TSHZ3: variants seen among roughly 807,000 people sequenced by gnomAD.
The protein encoded by TSHZ3 is teashirt homolog 3.
TSHZ3 carries 10 observed loss-of-function variants against 64.5 expected under a neutral mutation model. The ratio of observed to expected loss-of-function variants is 0.16; its 90% CI spans 0.10 to 0.26. The LOEUF (loss-of-function observed/expected upper bound fraction) is 0.26. Among genes scored for constraint, TSHZ3 ranks in the 10% least tolerant of loss-of-function variants. The probability of loss-of-function intolerance (pLI) is 1.00; values close to 1 mark genes in which losing one functional copy is unlikely to be tolerated. For synonymous variants in TSHZ3, 608 were observed against 593.1 expected, an observed-to-expected ratio of 1.03 and a Z score of -0.36; for missense variants, 1,242 against 1,421.7, an observed-to-expected ratio of 0.87 and a Z score of 2.03.
intron 6 of TSHZ3, among the ~76,000 whole-genome samples, chr19:31,154,652 A>G (rs898755562): frequency 2.0e-5 from 3 of 152,182 alleles, no homozygotes; most frequent in Admixed American, 6.5e-5. Context: ...ATTGAATCTC[A>G]GGTCAGCTCC....
chr19:31,319,035 C>T (rs1045643014), intron 1 of TSHZ3, among the ~76,000 whole-genome samples: 6 of 152,208 alleles, frequency 3.9e-5, no homozygotes, highest in African/African-American at 1.4e-4. Flanking sequence ...TCCTCTGAGC[C>T]GGAGACCAGG....
At chr19:31,297,129 G>A (rs578224880) in intron 1 of TSHZ3, among the ~76,000 whole-genome samples, 117 of 152,292 alleles carry the variant, frequency 7.7e-4, no homozygotes, top group African/African-American at 2.8e-3. Flanking sequence ...GGGAATCAGC[G>A]GGTTTCAGGT....
intron 3 of TSHZ3, among the ~76,000 whole-genome samples, chr19:31,241,808 C>T (rs1975693904): frequency 6.6e-6 from 1 of 152,214 alleles, no homozygotes; most frequent in South Asian, 2.1e-4. Flanking sequence ...TCTGAAATCA[C>T]TGCTTTGTGT....
chr19:31,306,103 G>A (rs1422242257), intron 1 of TSHZ3, among the ~76,000 whole-genome samples: 1 of 152,184 alleles, frequency 6.6e-6, no homozygotes, highest in Non-Finnish European at 1.5e-5. Context: ...TGCCAGGCGG[G>A]GAGTGACGCA....
chr19:31,336,566 A>C (rs1051225947), intron 1 of TSHZ3, among the ~76,000 whole-genome samples: 7 of 152,316 alleles, frequency 4.6e-5, no homozygotes, highest in Middle Eastern at 3.4e-3. Context: ...TGTTTTAAAA[A>C]ATCCGGTTAT....
intron 3 of TSHZ3, among the ~76,000 whole-genome samples, chr19:31,234,726 A>G (rs1380947033): frequency 6.6e-6 from 1 of 152,194 alleles, no homozygotes; most frequent in Non-Finnish European, 1.5e-5. Flanking sequence ...CAATACTGAG[A>G]TGCAGTCTTC....
At chr19:31,232,985 C>A (rs1289750577) in intron 3 of TSHZ3, among the ~76,000 whole-genome samples, 1 of 152,130 alleles carries the variant, frequency 6.6e-6, no homozygotes, top group Non-Finnish European at 1.5e-5. Context: ...CATTTGAGTT[C>A]TTTCCAGACT....
chr19:31,173,778 T>A (rs1974569121), intron 5 of TSHZ3, among the ~76,000 whole-genome samples: 1 of 152,232 alleles, frequency 6.6e-6, no homozygotes. Flanking sequence ...GATACATAGA[T>A]GTAAACAGAT....
At chr19:31,309,396 A>C (rs1916392216) in intron 1 of TSHZ3, among the ~76,000 whole-genome samples, 1 of 152,198 alleles carries the variant, frequency 6.6e-6, no homozygotes, top group South Asian at 2.1e-4. Flanking sequence ...CTGCAAAAAA[A>C]AAAGGACAAA....
At chr19:31,343,093 G>A (rs915576109) in intron 1 of TSHZ3, among the ~76,000 whole-genome samples, 5 of 152,160 alleles carry the variant, frequency 3.3e-5, no homozygotes, top group African/African-American at 7.2e-5. Flanking sequence ...CCAGGAATGC[G>A]ATGACAAGGA....
chr19:31,321,402 C>T (rs773141056), intron 1 of TSHZ3, among the ~76,000 whole-genome samples: 5 of 152,222 alleles, frequency 3.3e-5, no homozygotes, highest in Non-Finnish European at 7.3e-5. Context: ...ACATGGCTCA[C>T]CACTGAAGCA....
chr19:31,277,240 C>T lies in TSHZ3; in HGVS notation c.2553G>A (p.Leu851=), dbSNP rs147287141. 3.7e-6 allele frequency: 6 copies of T among 1,614,068 alleles called. No individual in the cohort carries two copies. In the African/African-American group the frequency reaches 8.0e-5, roughly 22 times the overall value. ...ACGTGTGGCTCTCTGTCAAGTTCTTCAGCATATCGGATATATCTGACAAGG... is the reference window on the plus strand; with the variant it reads ...ACGTGTGGCTCTCTGTCAAGTTCTTTAGCATATCGGATATATCTGACAAGG... ...ENALSDISDM[L]KNLTESHTSK... The change falls in exon 2 of 2, where the codon CTG becomes CTA. Residue 851 remains leucine, a synonymous_variant. Transcript: ENST00000240587. The surrounding 1 kb of genome is among the most constrained non-coding windows in gnomAD (Gnocchi z 4.5).
intron 1 of TSHZ3, among the ~76,000 whole-genome samples, chr19:31,255,212 C>T (rs2145194409): frequency 6.6e-6 from 1 of 152,254 alleles, no homozygotes; most frequent in South Asian, 2.1e-4. Context: ...TCCCCCAAAA[C>T]CCCTCTGCAG....
intron 5 of TSHZ3, among the ~76,000 whole-genome samples, chr19:31,189,936 C>G (rs1974875578): frequency 6.6e-6 from 1 of 151,890 alleles, no homozygotes; most frequent in African/African-American, 2.4e-5. Flanking sequence ...TTTAAATTAC[C>G]CATTTATCAT....
At chr19:31,196,883 A>G (rs888994057) in intron 5 of TSHZ3, among the ~76,000 whole-genome samples, 1 of 151,982 alleles carries the variant, frequency 6.6e-6, no homozygotes, top group Admixed American at 6.6e-5. Context: ...ACACTCTTCT[A>G]TCATGAACGA....
At chr19:31,153,409 G>A (rs746527639) in intron 6 of TSHZ3, among the ~76,000 whole-genome samples, 2 of 152,166 alleles carry the variant, frequency 1.3e-5, no homozygotes, top group Admixed American at 6.5e-5. Context: ...AGGAGTGGAA[G>A]GACAGTCATT....
At chr19:31,311,084 A>T (rs559942728) in intron 1 of TSHZ3, among the ~76,000 whole-genome samples, 2 of 152,324 alleles carry the variant, frequency 1.3e-5, no homozygotes, top group East Asian at 1.9e-4. Context: ...GGCAGCCAAA[A>T]GGCTTTCAGC....
intron 1 of TSHZ3, 122 bp downstream of exon 1, chr19:31,349,058 G>T: frequency 7.8e-7 from 1 of 1,288,038 alleles, no homozygotes; most frequent in Non-Finnish European, 1.0e-6. Flanking sequence ...GGAGAGCGGC[G>T]CCCGGAGTTA....
At chr19:31,309,446 A>G (rs1374618939) in intron 1 of TSHZ3, among the ~76,000 whole-genome samples, 2 of 152,136 alleles carry the variant, frequency 1.3e-5, no homozygotes. Context: ...GGGCAAGTCA[A>G]TCCCCGCATG....
Sources: allele counts gnomAD v4.1 joint callset (sites outside exome capture counted in the v4.1 genomes callset), GRCh38; gene constraint gnomAD v4.1.1; non-coding constraint Gnocchi (gnomAD v3.1); transcripts MANE v1.5; gene names NCBI Gene and HGNC (gene_info 2026-07-23, HGNC 2026-07-21).